ADAMTS12: variants seen among roughly 807,000 people sequenced by gnomAD.
ADAMTS12 encodes ADAM metallopeptidase with thrombospondin type 1 motif 12.
A neutral mutation model predicts 167.8 loss-of-function variants in ADAMTS12; 118 were observed. That is an observed-to-expected ratio of 0.70 (90% CI 0.61 to 0.82). The LOEUF is 0.82. Ranked by LOEUF, ADAMTS12 falls within the 40% of genes least tolerant of loss-of-function variation. The pLI is 0.00. For missense variants in ADAMTS12, 1,916 were observed against 1,998.8 expected, an observed-to-expected ratio of 0.96 and a Z score of 0.79; for synonymous variants, 704 against 716.9, an observed-to-expected ratio of 0.98 and a Z score of 0.29.
chr5:33,591,071 T>G (rs1747612495), intron 17 of ADAMTS12, among the ~76,000 whole-genome samples: 1 of 117,358 alleles, frequency 8.5e-6, no homozygotes, highest in South Asian at 2.7e-4. Flanking sequence ...ATGTTTTATC[T>G]AAATGTCTAA....
chr5:33,720,779 A>T (rs2062225666), intron 3 of ADAMTS12, among the ~76,000 whole-genome samples: 1 of 152,140 alleles, frequency 6.6e-6, no homozygotes, highest in Non-Finnish European at 1.5e-5. Context: ...ATTTTGCAAA[A>T]CTGACAGTTT....
At chr5:33,615,248 C>T (rs55710642) in intron 15 of ADAMTS12, among the ~76,000 whole-genome samples, 4,779 of 152,234 alleles carry the variant, frequency 0.031, 283 homozygotes, top group East Asian at 0.25. Flanking sequence ...ATCTCTGGCT[C>T]GAAAAGGATG....
intron 2 of ADAMTS12, among the ~76,000 whole-genome samples, chr5:33,823,566 G>A (rs960853169): frequency 3.3e-5 from 5 of 151,956 alleles, no homozygotes; most frequent in East Asian, 1.9e-4. Context: ...GTGAGTAGAC[G>A]GGACTCACCC....
intron 19 of ADAMTS12, among the ~76,000 whole-genome samples, chr5:33,567,570 G>A (rs1443544207): frequency 2.0e-5 from 3 of 152,176 alleles, no homozygotes; most frequent in Non-Finnish European, 4.4e-5. Flanking sequence ...AGGGCATGCT[G>A]AAGCACAAGT....
At chr5:33,735,880 T>C (rs189100441) in intron 3 of ADAMTS12, among the ~76,000 whole-genome samples, 2 of 152,124 alleles carry the variant, frequency 1.3e-5, no homozygotes, top group African/African-American at 4.8e-5. Flanking sequence ...TCCATGTTGA[T>C]TGATGATGTT....
At chr5:33,548,685 G>C (rs1037095801) in intron 21 of ADAMTS12, among the ~76,000 whole-genome samples, 33 of 143,692 alleles carry the variant, frequency 2.3e-4, no homozygotes, top group African/African-American at 8.7e-4. Flanking sequence ...AGCAGAGCCA[G>C]GGCCCTCATA....
chr5:33,869,833 C>T (rs934014069), intron 2 of ADAMTS12, among the ~76,000 whole-genome samples: 1 of 152,166 alleles, frequency 6.6e-6, no homozygotes, highest in Non-Finnish European at 1.5e-5. Flanking sequence ...CTAAAATTTA[C>T]TAGGCAGGAA....
intron 5 of ADAMTS12, among the ~76,000 whole-genome samples, chr5:33,670,721 G>A (rs566675800): frequency 2.6e-5 from 4 of 152,280 alleles, no homozygotes; most frequent in Non-Finnish European, 4.4e-5. Context: ...CAGCCTGAAC[G>A]GCAAAAGCGA....
At position 33,891,848 on chromosome 5, in the gene ADAMTS12, AC is replaced by A; in HGVS notation, c.8del (p.Cys3LeufsTer58). The A allele has an allele frequency of 6.2e-7, 1 of 1,613,990 alleles. No individual in the cohort carries two copies. The highest frequency in any genetic ancestry group is 8.5e-7 in the Non-Finnish European group (1 of 1,179,922). MP[C>X]AQRSWLANLS... ...GGTTTGCAAGCCAGCTCCTCTGGGC[AC>A]ATGGCATGATTCAGATGTTGAGGAG... On this transcript the variant is annotated frameshift_variant, in exon 1 of 24. Coordinates refer to ENST00000504830, the MANE Select transcript of ADAMTS12 (RefSeq NM_030955.4). LOFTEE classifies it high-confidence loss of function.
intron 2 of ADAMTS12, among the ~76,000 whole-genome samples, chr5:33,833,996 A>G (rs1225519729): frequency 6.6e-6 from 1 of 151,760 alleles, no homozygotes; most frequent in Non-Finnish European, 1.5e-5. Flanking sequence ...TCCAAGATCA[A>G]AGTGTAGGCA....
intron 10 of ADAMTS12, among the ~76,000 whole-genome samples, chr5:33,642,285 A>C (rs1740491041): frequency 6.6e-6 from 1 of 152,220 alleles, no homozygotes; most frequent in Non-Finnish European, 1.5e-5. Context: ...ATGTCAGCTT[A>C]GTATGCTTAG....
At chr5:33,608,524 T>C (rs1738559691) in intron 16 of ADAMTS12, among the ~76,000 whole-genome samples, 1 of 152,126 alleles carries the variant, frequency 6.6e-6, no homozygotes, top group South Asian at 2.1e-4. Context: ...TGGGATACAG[T>C]GAGTTTGTTG....
intron 16 of ADAMTS12, among the ~76,000 whole-genome samples, chr5:33,608,743 G>A (rs1030167005): frequency 9.9e-5 from 15 of 152,192 alleles, no homozygotes; most frequent in African/African-American, 3.4e-4. Context: ...CAGAAAGGCA[G>A]GTGAGTTATT....
chr5:33,567,964 C>T (rs1183100442), intron 19 of ADAMTS12, among the ~76,000 whole-genome samples: 4 of 152,070 alleles, frequency 2.6e-5, no homozygotes, highest in Non-Finnish European at 5.9e-5. Context: ...ACGATTCTGG[C>T]CAGCTACTTA....
intron 11 of ADAMTS12, among the ~76,000 whole-genome samples, chr5:33,640,775 AC>A (rs1329962348): frequency 6.6e-6 from 1 of 151,216 alleles, no homozygotes; most frequent in Non-Finnish European, 1.5e-5. Context: ...TAAATTCCTT[AC>A]ACATACTAAC....
intron 3 of ADAMTS12, among the ~76,000 whole-genome samples, chr5:33,696,363 G>C (rs1188722580): frequency 6.7e-6 from 1 of 150,366 alleles, no homozygotes; most frequent in Non-Finnish European, 1.5e-5. Flanking sequence ...AGAGCTTGCA[G>C]TGAGCCGAGA....
intron 2 of ADAMTS12, among the ~76,000 whole-genome samples, chr5:33,869,359 A>G (rs970419743): frequency 2.0e-5 from 3 of 151,962 alleles, no homozygotes; most frequent in Admixed American, 2.0e-4. Flanking sequence ...ACTTCAGAGG[A>G]TGTATGAAAA....
At chr5:33,742,343 A>G (rs1416254288) in intron 3 of ADAMTS12, among the ~76,000 whole-genome samples, 2 of 152,140 alleles carry the variant, frequency 1.3e-5, no homozygotes, top group East Asian at 1.9e-4. Flanking sequence ...AAAAAAAAAA[A>G]AAAAAAATGT....
chr5:33,529,209 A>C (rs914255311), intron 23 of ADAMTS12, among the ~76,000 whole-genome samples: 1 of 152,126 alleles, frequency 6.6e-6, no homozygotes, highest in Non-Finnish European at 1.5e-5. Context: ...CTGAGTTCTA[A>C]CCCTTGTTCT....
Sources: gnomAD v4.1 joint callset for allele counts (sites outside exome capture counted in the v4.1 genomes callset) on GRCh38, gnomAD v4.1.1 for gene constraint, MANE v1.5 for transcripts, NCBI Gene and HGNC (gene_info 2026-07-23, HGNC 2026-07-21) for gene names.